REDIC1: variants seen among roughly 807,000 people sequenced by gnomAD.
The protein encoded by REDIC1 is HEI10 Interacting Protein 1.
At chr12:39,856,227 A>C in the REDIC1 span, among the ~76,000 whole-genome samples, 2 of 152,074 alleles carry the variant, frequency 1.3e-5, no homozygotes, top group African/African-American at 4.8e-5. Flanking sequence ...CCCTTCATCC[A>C]TCTATCCATG....
the REDIC1 span, among the ~76,000 whole-genome samples, chr12:39,713,909 G>A: frequency 2.7e-5 from 4 of 147,872 alleles, no homozygotes; most frequent in South Asian, 2.1e-4. Context: ...ATATACGTAT[G>A]TGTATATGTA....
chr12:39,830,273 G>T, the REDIC1 span: 1 of 1,596,150 alleles, frequency 6.3e-7, no homozygotes. Context: ...GAGACAACTG[G>T]TGCTCACCAT....
chr12:39,702,512 G>A, the REDIC1 span, among the ~76,000 whole-genome samples: 3 of 152,086 alleles, frequency 2.0e-5, no homozygotes, highest in Non-Finnish European at 2.9e-5. Flanking sequence ...GGTACAAGGA[G>A]GAACTGGTAC....
chr12:39,834,083 C>T, the REDIC1 span, among the ~76,000 whole-genome samples: 14 of 152,088 alleles, frequency 9.2e-5, no homozygotes, highest in Middle Eastern at 3.4e-3. Flanking sequence ...TTTCCAACAA[C>T]TGTTCATAAA....
chr12:39,845,606 G>A, the REDIC1 span, among the ~76,000 whole-genome samples: 1 of 152,090 alleles, frequency 6.6e-6, no homozygotes. Context: ...TCAGCCCCTG[G>A]AGCCCCAGAA....
At chr12:39,743,371 C>T in the REDIC1 span, among the ~76,000 whole-genome samples, 11 of 152,172 alleles carry the variant, frequency 7.2e-5, no homozygotes, top group Non-Finnish European at 1.6e-4. Flanking sequence ...AATGCTTCCC[C>T]TCCCCTCATA....
chr12:39,674,961 G>T, the REDIC1 span, among the ~76,000 whole-genome samples: 1 of 152,236 alleles, frequency 6.6e-6, no homozygotes, highest in African/African-American at 2.4e-5. Context: ...AGCCAACAGT[G>T]TGGGTAGACA....
the REDIC1 span, among the ~76,000 whole-genome samples, chr12:39,671,545 A>G: frequency 5.3e-5 from 8 of 152,178 alleles, no homozygotes; most frequent in Non-Finnish European, 1.2e-4. Context: ...TGGTAGTGGC[A>G]GACCAGGTGG....
At chr12:39,881,390 T>C in the REDIC1 span, among the ~76,000 whole-genome samples, 2 of 152,104 alleles carry the variant, frequency 1.3e-5, no homozygotes, top group African/African-American at 4.8e-5. Flanking sequence ...CAACTAGAAA[T>C]AAAATGTTTA....
the REDIC1 span, among the ~76,000 whole-genome samples, chr12:39,866,632 A>C: frequency 6.6e-6 from 1 of 151,742 alleles, no homozygotes; most frequent in South Asian, 2.1e-4. Flanking sequence ...GGCGCCCGCC[A>C]CCTCGCCCGG....
At chr12:39,834,181 CTT>C in the REDIC1 span, among the ~76,000 whole-genome samples, 1 of 152,042 alleles carries the variant, frequency 6.6e-6, no homozygotes, top group Non-Finnish European at 1.5e-5. Flanking sequence ...ATGCTTTTCT[CTT>C]GTTAATCTCT....
chr12:39,896,555 T>C, the REDIC1 span, among the ~76,000 whole-genome samples: 1 of 135,218 alleles, frequency 7.4e-6, no homozygotes, highest in South Asian at 2.4e-4. Flanking sequence ...TGTGTATACA[T>C]GTATACATAT....
chr12:39,774,865 T>G, the REDIC1 span, among the ~76,000 whole-genome samples: 1 of 152,120 alleles, frequency 6.6e-6, no homozygotes, highest in Non-Finnish European at 1.5e-5. Context: ...GCAAAATAGA[T>G]GGATGGAGTA....
chr12:39,894,430 C>T, the REDIC1 span, among the ~76,000 whole-genome samples: 7 of 152,194 alleles, frequency 4.6e-5, no homozygotes, highest in African/African-American at 1.2e-4. Context: ...GATAAGTGAA[C>T]CCCTAATACC....
At chr12:39,644,125 T>A in the REDIC1 span, among the ~76,000 whole-genome samples, 1 of 151,862 alleles carries the variant, frequency 6.6e-6, no homozygotes, top group African/African-American at 2.4e-5. Flanking sequence ...GTGTATGTGT[T>A]ATATAAAATT....
At chr12:39,777,469 G>A in the REDIC1 span, among the ~76,000 whole-genome samples, 1 of 152,216 alleles carries the variant, frequency 6.6e-6, no homozygotes, top group East Asian at 1.9e-4. Context: ...GGAAGTGCTA[G>A]GTAGAGGAGG....
the REDIC1 span, among the ~76,000 whole-genome samples, chr12:39,855,088 C>T: frequency 3.3e-5 from 5 of 152,114 alleles, no homozygotes; most frequent in African/African-American, 1.2e-4. Flanking sequence ...TTTTCATATC[C>T]CATTAAGGTA....
chr12:39,668,694 A>G, the REDIC1 span, among the ~76,000 whole-genome samples: 4 of 152,200 alleles, frequency 2.6e-5, no homozygotes, highest in Admixed American at 6.5e-5. Flanking sequence ...AGGTACACCA[A>G]TCAGACATAG....
chr12:39,731,438 G>A, the REDIC1 span, among the ~76,000 whole-genome samples: 1 of 152,162 alleles, frequency 6.6e-6, no homozygotes, highest in African/African-American at 2.4e-5. Context: ...GTTTGCTGGA[G>A]GTCCACTCCA....
Sources: gnomAD v4.1 joint callset for allele counts (sites outside exome capture counted in the v4.1 genomes callset) on GRCh38, gnomAD v4.1.1 for gene constraint, MANE v1.5 for transcripts, NCBI Gene and HGNC (gene_info 2026-07-23, HGNC 2026-07-21) for gene names.